Variants in CSMD2 observed in about 807,000 individuals in gnomAD.
The protein encoded by CSMD2 is CUB and sushi domain-containing protein 2.
CSMD2 carries 130 observed loss-of-function variants against 398.5 expected under a neutral mutation model. That is an observed-to-expected ratio of 0.33 (90% confidence interval 0.28 to 0.38). CSMD2 has a LOEUF of 0.38. Ranked by LOEUF, CSMD2 falls within the 10% of genes least tolerant of loss-of-function variation. CSMD2 has a pLI of 1.00. For missense variants in CSMD2, 3,829 were observed against 4,764.9 expected, an observed-to-expected ratio of 0.80 and a Z score of 5.78; for synonymous variants, 1,828 against 1,908.5, an observed-to-expected ratio of 0.96 and a Z score of 1.10.
chr1:33,977,740 G>C (rs1476128180), intron 3 of CSMD2, among the ~76,000 whole-genome samples: 3 of 152,152 alleles, frequency 2.0e-5, no homozygotes, highest in Admixed American at 6.5e-5. Context: ...TGTGGAATAA[G>C]AGCCCAAGAA....
At chr1:33,724,991 A>G (rs948135404) in intron 17 of CSMD2, among the ~76,000 whole-genome samples, 22 of 152,188 alleles carry the variant, frequency 1.4e-4, no homozygotes, top group African/African-American at 5.3e-4. Flanking sequence ...GAGGGGATGA[A>G]TGTGGGAGGT....
At chr1:34,014,477 G>A (rs987096013) in intron 3 of CSMD2, among the ~76,000 whole-genome samples, 1 of 152,228 alleles carries the variant, frequency 6.6e-6, no homozygotes, top group Non-Finnish European at 1.5e-5. Flanking sequence ...TATGCCAGGG[G>A]AACTCTCACC....
intron 68 of CSMD2, among the ~76,000 whole-genome samples, chr1:33,520,514 G>T (rs1198767393): frequency 6.6e-6 from 1 of 152,252 alleles, no homozygotes; most frequent in East Asian, 1.9e-4. Flanking sequence ...GATGTCTGCT[G>T]TGGAGCCAGA....
chr1:33,657,688 C>A (rs1049115777), intron 27 of CSMD2, among the ~76,000 whole-genome samples: 3 of 152,194 alleles, frequency 2.0e-5, no homozygotes, highest in African/African-American at 7.2e-5. Flanking sequence ...AAGGGACAGA[C>A]CTGTCTGACT....
intron 6 of CSMD2, among the ~76,000 whole-genome samples, chr1:33,826,753 C>T (rs995528143): frequency 1.3e-5 from 2 of 152,174 alleles, no homozygotes; most frequent in Non-Finnish European, 2.9e-5. Context: ...GTCTGACCAC[C>T]CCTGTTACCC....
intron 22 of CSMD2, among the ~76,000 whole-genome samples, chr1:33,707,695 GCACACACACACACACACA>G (rs200504764): frequency 1.2e-3 from 114 of 92,092 alleles, no homozygotes; most frequent in African/African-American, 5.2e-3. Context: ...GCGCGCGCGC[GCACACACACACACACACA>G]CACACACACA....
chr1:33,724,577 G>A lies in CSMD2; in HGVS notation c.2823C>T (p.Asp941=), dbSNP rs371160757. 42 of 1,614,044 alleles carry A rather than the reference G, an allele frequency of 2.6e-5. No homozygotes were observed. Among genetic ancestry groups the A allele is most frequent in the Admixed American group, 1.8e-4 (11 of 60,008 alleles). The part of the protein sequence containing the change: ...FSCDSGYTLS[D]GEPLECEPNF... ...TGGGCTCACACTCCAGAGGCTCCCC[G>A]TCACTTAATGTGTAGCCCGAGTCAC... The change falls in exon 18 of 71, where the codon GAC becomes GAT. Residue 941 remains aspartate (D), a synonymous_variant. Coordinates refer to ENST00000373381, the MANE Select transcript of CSMD2 (RefSeq NM_001281956.2).
Position 33,519,282 on chromosome 1 carries a change from A to G in CSMD2, c.*53+183T>C, listed in dbSNP as rs747701640. 6.6e-6 allele frequency among the ~76,000 whole-genome samples: 1 copy of G among 152,206 alleles called. No homozygotes were observed. Among genetic ancestry groups the G allele is most frequent in the Non-Finnish European group, 1.5e-5 (1 of 68,036 alleles). On this transcript the variant is annotated intron_variant, in intron 70 of 70. Coordinates refer to ENST00000373381, the MANE Select transcript of CSMD2 (RefSeq NM_001281956.2). The surrounding 1 kb of genome is among the most constrained non-coding windows in gnomAD (Gnocchi z 5.6). ...TACCTCACAGGGCGTGCAGGGATTC[A>G]ATATATTAGATCCACAAAGGGCCTG...
intron 2 of CSMD2, among the ~76,000 whole-genome samples, chr1:34,076,315 A>G (rs1656324529): frequency 6.6e-6 from 1 of 152,246 alleles, no homozygotes; most frequent in African/African-American, 2.4e-5. Context: ...AAAGAGGAGT[A>G]AAACCCAGGT....
intron 53 of CSMD2, among the ~76,000 whole-genome samples, chr1:33,561,768 G>A (rs1658570607): frequency 1.3e-5 from 2 of 152,170 alleles, no homozygotes; most frequent in African/African-American, 4.8e-5. Flanking sequence ...GGTGAGTAGG[G>A]CTTCGCCAGG....
At chr1:33,574,776 T>C (rs565655716) in intron 49 of CSMD2, among the ~76,000 whole-genome samples, 13 of 152,296 alleles carry the variant, frequency 8.5e-5, no homozygotes, top group African/African-American at 1.9e-4. Flanking sequence ...TAAGAGAGTG[T>C]TTAAACATGA....
rs34735969 is a variant in CSMD2 at position 33,680,148 on chromosome 1, C to CTTTT, written c.4052+12778_4052+12781dup. 1.8e-3 allele frequency among the ~76,000 whole-genome samples: 160 copies of CTTTT among 88,538 alleles called. 3 individuals are homozygous for CTTTT. Among genetic ancestry groups the CTTTT allele is most frequent in the African/African-American group, 6.7e-3 (145 of 21,676 alleles). 58.1% of individuals were successfully genotyped at this position (88,538 alleles called of 152,430 possible). A position where few individuals can be genotyped will look rare whatever the true frequency, so the allele number is the denominator to read the frequency against. ...ACCGTGTTAGCCAGGATGGCCTCGC[C>CTTTT]TTTTTTTTTTTTTTTTTTTTTTTTA... On this transcript the variant is annotated intron_variant, in intron 25 of 70. Coordinates refer to ENST00000373381, the MANE Select transcript of CSMD2 (RefSeq NM_001281956.2).
intron 13 of CSMD2, among the ~76,000 whole-genome samples, chr1:33,753,594 G>A (rs1648565265): frequency 6.6e-6 from 1 of 152,364 alleles, no homozygotes; most frequent in South Asian, 2.1e-4. Context: ...GGAGCTGTGG[G>A]AAGGGGGCTG....
intron 65 of CSMD2, 60 bp downstream of exon 65, chr1:33,527,136 G>A: frequency 6.9e-7 from 1 of 1,454,078 alleles, no homozygotes; most frequent in South Asian, 1.1e-5. Context: ...GAGTTTTCTG[G>A]CTAACTGTGT....
At chr1:33,884,430 C>T (rs1641448205) in intron 5 of CSMD2, 1 of 151,310 alleles carries the variant, frequency 6.6e-6, no homozygotes, top group African/African-American at 2.4e-5. Context: ...CCACTCAAAC[C>T]AAGGGCTGAC....
At position 34,032,587 on chromosome 1, in the gene CSMD2, C is replaced by T. The variant is rs780822991; in HGVS notation, c.517+7G>A. The T allele has an allele frequency of 7.0e-6, 11 of 1,560,914 alleles. No individual in the cohort carries two copies. The South Asian group carries it at 1.2e-4, about 17-fold the overall frequency. ...CGGCTCCTGTGGCCGATGAGGGAGG[C>T]ACTTACCTTCATAGGTGGCGTGGAA... is the stretch of plus-strand genomic sequence containing the variant. On this transcript the variant is annotated splice_region_variant and intron_variant, in intron 3 of 70. Coordinates refer to ENST00000373381, the MANE Select transcript of CSMD2 (RefSeq NM_001281956.2).
intron 12 of CSMD2, among the ~76,000 whole-genome samples, chr1:33,787,592 T>C (rs1408320091): frequency 6.6e-6 from 1 of 152,212 alleles, no homozygotes; most frequent in Admixed American, 6.5e-5. Context: ...CTTCGTTTGC[T>C]TTCCCCTCCA....
intron 9 of CSMD2, among the ~76,000 whole-genome samples, chr1:33,817,269 T>C (rs1316713608): frequency 2.0e-5 from 3 of 152,010 alleles, no homozygotes; most frequent in African/African-American, 7.2e-5. Flanking sequence ...CAATGGCCTA[T>C]AGGAGGGGAG....
At chr1:33,861,826 A>C (rs1487307690) in intron 5 of CSMD2, among the ~76,000 whole-genome samples, 1 of 152,180 alleles carries the variant, frequency 6.6e-6, no homozygotes, top group Non-Finnish European at 1.5e-5. Context: ...TCATTTAGAG[A>C]GGACACCTTA....
Sources: gnomAD v4.1 joint callset for allele counts (sites outside exome capture counted in the v4.1 genomes callset) on GRCh38, gnomAD v4.1.1 for gene constraint, Gnocchi (gnomAD v3.1) non-coding constraint, MANE v1.5 for transcripts, NCBI Gene and HGNC (gene_info 2026-07-23, HGNC 2026-07-21) for gene names.